Variants in CTNND2 observed in about 807,000 individuals in gnomAD.
The protein encoded by CTNND2 is catenin delta 2.
Under a neutral mutation model 144.4 loss-of-function variants are expected in CTNND2, and 22 were observed. The observed-to-expected ratio is 0.15, with a 90% CI of 0.11 to 0.22. The LOEUF is 0.22. Among genes scored for constraint, CTNND2 ranks in the 10% least tolerant of loss-of-function variants. CTNND2 has a pLI of 1.00. For synonymous variants in CTNND2, 751 were observed against 695.6 expected (o/e 1.08, Z -1.25); for missense variants, 1,353 against 1,618.8 (o/e 0.84, Z 2.82).
At position 11,235,894 on chromosome 5, in the gene CTNND2, A is replaced by C. The variant is rs61750733; in HGVS notation, c.1761+797T>G. Reference sequence around the variant, plus strand: ...CTTCAAATCTCTCTTTCCACTCTTAAACTAATTTAGACTCATCCTCAGAAT... The same window carrying C: ...CTTCAAATCTCTCTTTCCACTCTTACACTAATTTAGACTCATCCTCAGAAT... On this transcript the variant is annotated intron_variant, in intron 10 of 21. Coordinates refer to ENST00000304623, the MANE Select transcript of CTNND2 (RefSeq NM_001332.4). Among the ~76,000 whole-genome samples, 84 of 152,342 alleles carry C rather than the reference A, an allele frequency of 5.5e-4. 1 individual carries two copies. The highest frequency in any genetic ancestry group is 1.9e-3 in the African/African-American group (79 of 41,578).
intron 9 of CTNND2, among the ~76,000 whole-genome samples, chr5:11,287,309 C>G (rs1481892668): frequency 6.6e-6 from 1 of 152,222 alleles, no homozygotes; most frequent in African/African-American, 2.4e-5. Flanking sequence ...GAGAAAAAGA[C>G]TGCCCACCTT....
At chr5:11,263,525 G>C (rs867611644) in intron 9 of CTNND2, among the ~76,000 whole-genome samples, 2 of 152,154 alleles carry the variant, frequency 1.3e-5, no homozygotes, top group Non-Finnish European at 2.9e-5. Context: ...GTGTGAGTGT[G>C]TGTGTGTGAG....
At chr5:11,759,196 G>GC (rs1789115281) in intron 1 of CTNND2, among the ~76,000 whole-genome samples, 1 of 151,716 alleles carries the variant, frequency 6.6e-6, no homozygotes, top group East Asian at 1.9e-4. Flanking sequence ...TTATGTCACT[G>GC]TTTTTTTAAC....
chr5:11,738,324 T>A (rs989931916), intron 1 of CTNND2, among the ~76,000 whole-genome samples: 5 of 152,214 alleles, frequency 3.3e-5, no homozygotes, highest in African/African-American at 1.2e-4. Flanking sequence ...TTGGCCTGCA[T>A]AACAATAACA....
chr5:11,049,975 T>C (rs1376116768), intron 16 of CTNND2, among the ~76,000 whole-genome samples: 1 of 152,224 alleles, frequency 6.6e-6, no homozygotes, highest in African/African-American at 2.4e-5. Flanking sequence ...AGGCTCATAG[T>C]AGTGCCCAAC....
intron 2 of CTNND2, among the ~76,000 whole-genome samples, chr5:11,731,813 A>T (rs1046490163): frequency 1.1e-4 from 17 of 152,244 alleles, no homozygotes; most frequent in African/African-American, 4.1e-4. Context: ...TATCTTTTCT[A>T]AGACTAATTA....
At chr5:11,545,401 G>A (rs577111667) in intron 3 of CTNND2, among the ~76,000 whole-genome samples, 120 of 152,010 alleles carry the variant, frequency 7.9e-4, no homozygotes, top group African/African-American at 2.6e-3. Flanking sequence ...GCTGGGCATG[G>A]TGGCTCACGC....
At chr5:11,824,706 G>C (rs1484500509) in intron 1 of CTNND2, among the ~76,000 whole-genome samples, 1 of 152,130 alleles carries the variant, frequency 6.6e-6, no homozygotes, top group Non-Finnish European at 1.5e-5. Flanking sequence ...ACTAAATCTA[G>C]ACTTGGAGAA....
At chr5:11,578,215 G>A (rs1448701817) in intron 2 of CTNND2, among the ~76,000 whole-genome samples, 1 of 152,142 alleles carries the variant, frequency 6.6e-6, no homozygotes, top group Non-Finnish European at 1.5e-5. Context: ...GCTGACATCA[G>A]GTAAGAGGGA....
chr5:11,744,530 T>G (rs1278091628), intron 1 of CTNND2, among the ~76,000 whole-genome samples: 1 of 151,886 alleles, frequency 6.6e-6, no homozygotes, highest in African/African-American at 2.4e-5. Flanking sequence ...TCAGAATAAA[T>G]GTATATAGGG....
chr5:11,393,715 G>A (rs531432141), intron 6 of CTNND2, among the ~76,000 whole-genome samples: 6 of 152,314 alleles, frequency 3.9e-5, no homozygotes, highest in Admixed American at 3.3e-4. Context: ...GGATATGAAG[G>A]TAAGTCTTGC....
intron 1 of CTNND2, among the ~76,000 whole-genome samples, chr5:11,798,764 T>C (rs1162124174): frequency 6.6e-6 from 1 of 151,922 alleles, no homozygotes; most frequent in African/African-American, 2.4e-5. Context: ...AGACTCCGTC[T>C]CCAAACAAAA....
At chr5:11,432,658 A>G (rs1013451735) in intron 3 of CTNND2, among the ~76,000 whole-genome samples, 11 of 152,314 alleles carry the variant, frequency 7.2e-5, no homozygotes, top group East Asian at 3.9e-4. Context: ...AAGACAGAGT[A>G]TCTTCAAGAG....
At chr5:11,567,121 A>G (rs1010294865) in intron 2 of CTNND2, among the ~76,000 whole-genome samples, 8 of 150,604 alleles carry the variant, frequency 5.3e-5, no homozygotes, top group Admixed American at 1.3e-4. Context: ...CCTTAAATTT[A>G]TTTCTCTATA....
chr5:11,395,684 A>C (rs1479235679), intron 6 of CTNND2, among the ~76,000 whole-genome samples: 1 of 152,230 alleles, frequency 6.6e-6, no homozygotes, highest in African/African-American at 2.4e-5. Context: ...ATCATTCAGC[A>C]TTGTGAGAAG....
intron 2 of CTNND2, among the ~76,000 whole-genome samples, chr5:11,581,710 C>A (rs1252078969): frequency 6.6e-6 from 1 of 152,150 alleles, no homozygotes; most frequent in Non-Finnish European, 1.5e-5. Context: ...CAGTAATAAT[C>A]AAGACAGGAC....
intron 9 of CTNND2, among the ~76,000 whole-genome samples, chr5:11,325,193 C>T (rs927399482): frequency 6.6e-6 from 1 of 152,094 alleles, no homozygotes; most frequent in Non-Finnish European, 1.5e-5. Context: ...ATGAAGCATT[C>T]AGTTGTTAAA....
chr5:11,167,372 AATTT>A (rs1329560734), intron 11 of CTNND2, among the ~76,000 whole-genome samples: 14 of 152,256 alleles, frequency 9.2e-5, no homozygotes, highest in African/African-American at 3.1e-4. Context: ...ATACATACAA[AATTT>A]ATTTAGCCCC....
At chr5:11,265,546 T>C (rs189565328) in intron 9 of CTNND2, among the ~76,000 whole-genome samples, 1 of 152,056 alleles carries the variant, frequency 6.6e-6, no homozygotes, top group Non-Finnish European at 1.5e-5. Flanking sequence ...TCAGTAGCGT[T>C]TTGCTGAATC....
Sources: gnomAD v4.1 joint callset for allele counts (sites outside exome capture counted in the v4.1 genomes callset) on GRCh38, gnomAD v4.1.1 for gene constraint, MANE v1.5 for transcripts, NCBI Gene and HGNC (gene_info 2026-07-23, HGNC 2026-07-21) for gene names.